SLC12A3: variants seen among roughly 807,000 people sequenced by gnomAD.
The protein encoded by SLC12A3 is solute carrier family 12 member 3.
SLC12A3 carries 104 observed loss-of-function variants against 121.0 expected under a neutral mutation model. The ratio of observed to expected loss-of-function variants is 0.86; its 90% CI spans 0.73 to 1.01. The LOEUF (loss-of-function observed/expected upper bound fraction) is 1.01. Ranked by LOEUF, SLC12A3 falls within the 50% of genes least tolerant of loss-of-function variation. The pLI, the probability that SLC12A3 is intolerant of heterozygous loss-of-function variation, is 0.00. For missense variants in SLC12A3, 1,328 were observed against 1,356.3 expected, an observed-to-expected ratio of 0.98 and a Z score of 0.33; for synonymous variants, 536 against 533.4, an observed-to-expected ratio of 1.00 and a Z score of -0.07.
intron 25 of SLC12A3, among the ~76,000 whole-genome samples, chr16:56,905,298 C>T (rs1371806270): frequency 8.1e-6 from 1 of 123,662 alleles, no homozygotes; most frequent in Admixed American, 8.8e-5. Context: ...GAGGTTGCCC[C>T]ATTTCACTCC....
chr16:56,885,634 G>GCAGCTCC (rs2055300736), intron 15 of SLC12A3, among the ~76,000 whole-genome samples: 1 of 152,130 alleles, frequency 6.6e-6, no homozygotes, highest in Non-Finnish European at 1.5e-5. Flanking sequence ...GATTGTTGCT[G>GCAGCTCC]CAGCTCCCAT....
rs1397571226 is a variant in SLC12A3, at chr16:56,886,588, C to A, written c.2037+113C>A. 4 of 954,140 alleles carry A rather than the reference C, an allele frequency of 4.2e-6. No individual in the cohort carries two copies. In the Admixed American group the frequency reaches 7.5e-5, roughly 18 times the overall value. 59.1% of individuals were successfully genotyped at this position (954,140 alleles called of 1,614,324 possible). A position where few individuals can be genotyped will look rare whatever the true frequency, so the allele number is the denominator to read the frequency against. On this transcript the variant is annotated intron_variant, in intron 16 of 25. Transcript: ENST00000563236. ...TCACCCGAGGTCAGGAGTTTGAGAC[C>A]AGCCTGGCCAACACAGCTCCTGGGG...
intron 23 of SLC12A3, among the ~76,000 whole-genome samples, chr16:56,900,519 T>TTTTATTTATTTATTTATTTA (rs59010768): frequency 0.037 from 5,461 of 148,502 alleles, 221 homozygotes; most frequent in African/African-American, 0.089. Context: ...AGCATCTGAT[T>TTTTATTTATTTATTTATTTA]TTTATTTATT....
intron 4 of SLC12A3, 119 bp from the exon 5 acceptor site, chr16:56,869,977 C>G: frequency 7.1e-7 from 1 of 1,410,040 alleles, no homozygotes; most frequent in Non-Finnish European, 1.0e-6. Flanking sequence ...ACGAGATGGC[C>G]TCAGCTATCT....
At chr16:56,869,578 G>A (rs1016859305) in intron 3 of SLC12A3, 151 bp from the exon 4 acceptor site, 17 of 700,512 alleles carry the variant, frequency 2.4e-5, no homozygotes, top group South Asian at 6.1e-5. Flanking sequence ...TGCCCGCCTC[G>A]GCCTCCCAAA....
At chr16:56,867,340 TTCAATGAG>T in intron 2 of SLC12A3, 124 bp downstream of exon 2, 2 of 954,724 alleles carry the variant, frequency 2.1e-6, no homozygotes, top group Non-Finnish European at 3.1e-6. Context: ...GTACAATGAA[TTCAATGAG>T]TTAATAGATC....
intron 9 of SLC12A3, 22 bp downstream of exon 9, chr16:56,878,183 T>C: frequency 1.3e-6 from 2 of 1,579,516 alleles, no homozygotes; most frequent in African/African-American, 2.7e-5. Flanking sequence ...GCCCAGCCAG[T>C]CAGGAGGGGG....
At chr16:56,893,098 G>C in intron 21 of SLC12A3, 44 bp downstream of exon 21, 1 of 1,494,630 alleles carries the variant, frequency 6.7e-7, no homozygotes, top group Non-Finnish European at 9.2e-7. Context: ...GGCGGGGGCG[G>C]GGTGGTGGTG....
intron 8 of SLC12A3, among the ~76,000 whole-genome samples, chr16:56,876,227 AT>A (rs2055162114): frequency 1.3e-5 from 2 of 151,998 alleles, no homozygotes; most frequent in Admixed American, 6.5e-5. Flanking sequence ...CAGTCATTGC[AT>A]TTGGGGCCCA....
chr16:56,871,026 G>A (rs1452672997), intron 6 of SLC12A3, among the ~76,000 whole-genome samples: 3 of 152,100 alleles, frequency 2.0e-5, no homozygotes, highest in East Asian at 1.9e-4. Context: ...GTAGAGACGG[G>A]GTTTCACCAT....
intron 22 of SLC12A3, among the ~76,000 whole-genome samples, chr16:56,897,038 G>A (rs2055474523): frequency 6.6e-6 from 1 of 151,812 alleles, no homozygotes; most frequent in Admixed American, 6.6e-5. Context: ...GTTGCAGTGA[G>A]CCGAGATTGT....
rs146384801 is a variant in SLC12A3 at position 56,898,174 on chromosome 16, C to T, written c.2634-1356C>T. 4.6e-3 allele frequency among the ~76,000 whole-genome samples: 706 copies of T among 152,340 alleles called. 4 individuals are homozygous for T. Among genetic ancestry groups the T allele is most frequent in the Middle Eastern group, 0.037 (11 of 294 alleles). The stretch of plus-strand genomic sequence containing the variant: ...GGGGCATTACCAAAACCATGTCCTT[C>T]CCAGGGGTTCTGACTCAATGATGGG... On this transcript the variant is annotated intron_variant, in intron 22 of 25. Transcript: ENST00000563236.
chr16:56,879,120 A>G lies in SLC12A3; in HGVS notation c.1228A>G (p.Thr410Ala), dbSNP rs1172755218. 1 of 1,613,332 alleles carries G rather than the reference A, an allele frequency of 6.2e-7. No individual in the cohort carries two copies. The highest frequency in any genetic ancestry group is 1.7e-5 in the Admixed American group (1 of 59,956). The change falls in exon 10 of 26, where the codon ACC (threonine) becomes GCC (alanine). Residue 410 changes from threonine (T) to alanine (A), a missense_variant. Physicochemically the swap from Thr to Ala is moderately conservative, Grantham distance 58. Transcript: ENST00000563236. ...CTCTGGGGTCCTGAATGACACAGTG[A>G]CCCCTGGCTGGGGTGCCTGCGAGGG... The part of the protein sequence containing the change: ...DASGVLNDTV[T>A]PGWGACEGLA...
At chr16:56,876,381 G>A (rs62035948) in intron 8 of SLC12A3, among the ~76,000 whole-genome samples, 2,352 of 152,344 alleles carry the variant, frequency 0.015, 27 homozygotes, top group Non-Finnish European at 0.024. Flanking sequence ...GGAGGCTGGT[G>A]TGTTCTGTTG....
At chr16:56,887,297 C>T (rs546033300) in intron 17 of SLC12A3, among the ~76,000 whole-genome samples, 9 of 152,142 alleles carry the variant, frequency 5.9e-5, no homozygotes, top group East Asian at 3.9e-4. Context: ...CTCCGCCTCC[C>T]GGGTTCAAGT....
intron 8 of SLC12A3, among the ~76,000 whole-genome samples, chr16:56,877,623 C>T (rs1395228308): frequency 5.3e-5 from 8 of 152,102 alleles, no homozygotes; most frequent in African/African-American, 1.9e-4. Flanking sequence ...CACCAACATC[C>T]CTGACAGATG....
At chr16:56,887,442 G>A (rs1232501664) in intron 17 of SLC12A3, among the ~76,000 whole-genome samples, 1 of 151,858 alleles carries the variant, frequency 6.6e-6, no homozygotes, top group African/African-American at 2.4e-5. Flanking sequence ...CCTGACCTCA[G>A]GTGATCCACC....
At chr16:56,879,318 C>T (rs2144711994) in intron 10 of SLC12A3, 91 bp downstream of exon 10, 1 of 1,548,412 alleles carries the variant, frequency 6.5e-7, no homozygotes, top group South Asian at 1.1e-5. Context: ...GTTGGGGGGA[C>T]ATAGTTTTGG....
At chr16:56,890,209 G>A (rs1326248160) in intron 18 of SLC12A3, 65 bp from the exon 19 acceptor site, 1 of 1,244,518 alleles carries the variant, frequency 8.0e-7, no homozygotes, top group East Asian at 2.3e-5. Context: ...TGGTCTCCTG[G>A]GTGCCAGGTC....
Sources: allele counts gnomAD v4.1 joint callset (sites outside exome capture counted in the v4.1 genomes callset), GRCh38; gene constraint gnomAD v4.1.1; transcripts MANE v1.5; gene names NCBI Gene and HGNC (gene_info 2026-07-23, HGNC 2026-07-21).